RTL4: variants seen among roughly 807,000 people sequenced by gnomAD.
RTL4 encodes the protein retrotransposon Gag like 4.
In RTL4, 4 loss-of-function variants were observed where a neutral mutation model predicts 5.3. The ratio of observed to expected loss-of-function variants is 0.75; its 90% CI spans 0.37 to 1.72. The LOEUF (loss-of-function observed/expected upper bound fraction) is 1.72, where lower values mean the gene tolerates loss of function less well. Among genes scored for constraint, RTL4 ranks in the 40% most tolerant of loss-of-function variants. The pLI is 0.04. For synonymous variants in RTL4, 98 were observed against 87.3 expected (o/e 1.12, Z -0.68); for missense variants, 260 against 227.1 (o/e 1.14, Z -0.93).
At chrX:112,083,258 A>G in the RTL4 span, among the ~76,000 whole-genome samples, 1 of 112,677 alleles carries the variant, frequency 8.9e-6, no homozygotes, top group Non-Finnish European at 1.9e-5. Flanking sequence ...TATGGCTAGC[A>G]GAGTCTCTCT....
At chrX:112,109,771 C>G in the RTL4 span, among the ~76,000 whole-genome samples, 1 of 111,388 alleles carries the variant, frequency 9.0e-6, no homozygotes, top group African/African-American at 3.3e-5. Flanking sequence ...CTAAACAGGA[C>G]ACCCCAACTG....
the RTL4 span, among the ~76,000 whole-genome samples, chrX:112,116,963 A>T: frequency 1.8e-5 from 2 of 112,023 alleles, no homozygotes; most frequent in African/African-American, 6.5e-5. Flanking sequence ...CCATACAAGG[A>T]GTTCTGGTTA....
At chrX:112,267,521 T>C in the RTL4 span, among the ~76,000 whole-genome samples, 1 of 111,718 alleles carries the variant, frequency 9.0e-6, no homozygotes, top group African/African-American at 3.3e-5. Context: ...AGTCTCACAG[T>C]CTTCTCTTCT....
the RTL4 span, among the ~76,000 whole-genome samples, chrX:112,140,419 T>C: frequency 8.9e-6 from 1 of 112,002 alleles, no homozygotes; most frequent in African/African-American, 3.2e-5. Flanking sequence ...CTTAGTCCAT[T>C]TGTGGCTGCT....
the RTL4 span, among the ~76,000 whole-genome samples, chrX:112,354,929 AC>A: frequency 4.5e-5 from 5 of 111,172 alleles, no homozygotes; most frequent in African/African-American, 1.6e-4. Context: ...TACTACTACT[AC>A]CAGTAATAGT....
chrX:112,398,745 T>A, the RTL4 span, among the ~76,000 whole-genome samples: 1 of 112,032 alleles, frequency 8.9e-6, no homozygotes, highest in Non-Finnish European at 1.9e-5. Flanking sequence ...TTTGTTTCTA[T>A]CTTCATGAAG....
At chrX:112,127,386 C>CA in the RTL4 span, among the ~76,000 whole-genome samples, 105 of 105,576 alleles carry the variant, frequency 9.9e-4, no homozygotes, top group Middle Eastern at 4.9e-3. Flanking sequence ...TTCATGATTC[C>CA]AAAAAAAAAA....
At chrX:112,135,444 A>G in the RTL4 span, among the ~76,000 whole-genome samples, 2 of 111,413 alleles carry the variant, frequency 1.8e-5, no homozygotes, top group South Asian at 7.5e-4. Context: ...TTTATTAGAT[A>G]TACTTCGCAA....
the RTL4 span, among the ~76,000 whole-genome samples, chrX:112,109,540 C>A: frequency 8.9e-6 from 1 of 111,744 alleles, no homozygotes; most frequent in Non-Finnish European, 1.9e-5. Flanking sequence ...CTGATTGGTT[C>A]ATTTTGCAAA....
chrX:112,328,282 C>T, the RTL4 span, among the ~76,000 whole-genome samples: 3 of 110,642 alleles, frequency 2.7e-5, no homozygotes, highest in Admixed American at 9.7e-5. Flanking sequence ...CAGAGACACA[C>T]ATAGGCTCAA....
the RTL4 span, among the ~76,000 whole-genome samples, chrX:112,198,813 A>G: frequency 9.0e-6 from 1 of 110,730 alleles, no homozygotes; most frequent in Admixed American, 9.7e-5. Context: ...AATTGTGCAG[A>G]TTGTTACTAT....
At chrX:112,441,736 A>T in the RTL4 span, among the ~76,000 whole-genome samples, 1 of 112,405 alleles carries the variant, frequency 8.9e-6, no homozygotes, top group African/African-American at 3.2e-5. Flanking sequence ...TCAAAATATC[A>T]TGATGTACAC....
chrX:112,306,444 C>A, the RTL4 span, among the ~76,000 whole-genome samples: 2 of 111,254 alleles, frequency 1.8e-5, no homozygotes, highest in Non-Finnish European at 3.8e-5. Flanking sequence ...TAAGAAAGGT[C>A]AATTCTATTA....
chrX:112,408,757 A>G, the RTL4 span, among the ~76,000 whole-genome samples: 1 of 112,432 alleles, frequency 8.9e-6, no homozygotes, highest in African/African-American at 3.2e-5. Context: ...AAAAGATTCT[A>G]AAAGCAGCAG....
At chrX:112,281,062 T>C in the RTL4 span, among the ~76,000 whole-genome samples, 1 of 111,410 alleles carries the variant, frequency 9.0e-6, no homozygotes, top group South Asian at 3.7e-4. Flanking sequence ...TTATTAACTA[T>C]TGTCACTGTA....
At chrX:112,230,494 C>T in the RTL4 span, among the ~76,000 whole-genome samples, 787 of 112,322 alleles carry the variant, frequency 7.0e-3, 8 homozygotes, top group African/African-American at 0.024. Context: ...GGCAATGCCT[C>T]GCCCTGCTTC....
chrX:112,095,911 C>T, the RTL4 span, among the ~76,000 whole-genome samples: 1 of 111,697 alleles, frequency 9.0e-6, no homozygotes, highest in Non-Finnish European at 1.9e-5. Flanking sequence ...AAGTTGAGCA[C>T]TTAAAGTTTC....
At chrX:112,152,708 C>T in the RTL4 span, among the ~76,000 whole-genome samples, 2 of 112,114 alleles carry the variant, frequency 1.8e-5, no homozygotes, top group Non-Finnish European at 3.8e-5. Flanking sequence ...CATATTTTCC[C>T]AACAGGTTTA....
chrX:112,243,643 A>G, the RTL4 span, among the ~76,000 whole-genome samples: 1 of 111,540 alleles, frequency 9.0e-6, no homozygotes, highest in Non-Finnish European at 1.9e-5. Flanking sequence ...TTTTCAAAAA[A>G]CCAGCTCCTG....
Sources: gnomAD v4.1 joint callset for allele counts (sites outside exome capture counted in the v4.1 genomes callset) on GRCh38, gnomAD v4.1.1 for gene constraint, MANE v1.5 for transcripts, NCBI Gene and HGNC (gene_info 2026-07-23, HGNC 2026-07-21) for gene names.